Variants in CCDC14 observed in about 807,000 individuals in gnomAD.
The protein encoded by CCDC14 is coiled-coil domain containing 14, also known as coiled-coil domain-containing protein 14.
A neutral mutation model predicts 81.4 loss-of-function variants in CCDC14; 71 were observed. The ratio of observed to expected loss-of-function variants is 0.87; its 90% confidence interval spans 0.72 to 1.06. The LOEUF is 1.06. Among genes scored for constraint, CCDC14 ranks in the 50% least tolerant of loss-of-function variants. The pLI is 0.00. For missense variants in CCDC14, 1,046 were observed against 1,047.3 expected (o/e 1.00, Z 0.02); for synonymous variants, 332 against 364.8 (o/e 0.91, Z 1.03).
At chr3:123,923,314 T>C (rs1304305014) in intron 12 of CCDC14, among the ~76,000 whole-genome samples, 1 of 151,900 alleles carries the variant, frequency 6.6e-6, no homozygotes, top group Non-Finnish European at 1.5e-5. Context: ...GACAAACCCA[T>C]AGTTAACATC....
At chr3:123,889,784 A>C in the CCDC14 span, among the ~76,000 whole-genome samples, 1 of 152,152 alleles carries the variant, frequency 6.6e-6, no homozygotes, top group Admixed American at 6.5e-5. Context: ...CTCCAACTCC[A>C]CATTTCCCCT....
At chr3:123,953,723 C>T (rs1041606173) in intron 5 of CCDC14, 3 of 152,128 alleles carry the variant, frequency 2.0e-5, no homozygotes, top group African/African-American at 7.2e-5. Flanking sequence ...TCTATAAGGC[C>T]ACCTTGGGCT....
Position 123,955,965 on chromosome 3 carries a change from C to T in CCDC14, c.230G>A (p.Gly77Asp), listed in dbSNP as rs2037301995. 5 of 1,527,160 alleles carry T rather than the reference C, an allele frequency of 3.3e-6. No homozygotes were observed. The highest frequency in any genetic ancestry group is 4.4e-6 in the Non-Finnish European group (5 of 1,136,410). 94.6% of individuals were successfully genotyped at this position (1,527,160 alleles called of 1,614,324 possible). Residue 77 changes from glycine to aspartate, a missense_variant and splice_region_variant, in exon 5 of 13, where the codon GGT becomes GAT. By Grantham distance (94) the Gly-to-Asp change is moderately conservative. Coordinates refer to ENST00000409697, the MANE Select transcript of CCDC14 (RefSeq NM_001366335.1). ...LRDILRNEDSGSETAYLENRS... is the reference protein window; with the variant it reads ...LRDILRNEDSDSETAYLENRS... ...GTTTTCTAAATATGCTGTTTCTGAA[C>T]CTATTAATAAAACAAAAATTTGTTA...
chr3:123,938,390 T>G (rs558470282), intron 9 of CCDC14, among the ~76,000 whole-genome samples: 1 of 152,082 alleles, frequency 6.6e-6, no homozygotes, highest in South Asian at 2.1e-4. Flanking sequence ...ACTCTAGTAC[T>G]GATTTTAAAT....
At chr3:123,938,576 T>C (rs1272672127) in intron 9 of CCDC14, among the ~76,000 whole-genome samples, 5 of 151,922 alleles carry the variant, frequency 3.3e-5, no homozygotes, top group African/African-American at 1.2e-4. Context: ...CTTTCCAATG[T>C]GGCTGGCTTT....
intron 12 of CCDC14, among the ~76,000 whole-genome samples, chr3:123,916,798 T>C (rs886433208): frequency 1.3e-5 from 2 of 152,248 alleles, no homozygotes; most frequent in East Asian, 3.9e-4. Context: ...TGTTTGTTTG[T>C]TTGATGGCAG....
At chr3:123,901,773 A>T (rs997693234) in intron 5 of CCDC14, among the ~76,000 whole-genome samples, 1 of 152,188 alleles carries the variant, frequency 6.6e-6, no homozygotes, top group Non-Finnish European at 1.5e-5. Flanking sequence ...CATACAAAGG[A>T]TCACTTTCTA....
At chr3:123,949,166 T>C in intron 5 of CCDC14, 34 bp from the exon 6 acceptor site, 2 of 1,365,784 alleles carry the variant, frequency 1.5e-6, no homozygotes, top group South Asian at 1.3e-5. Context: ...TCTTGAAATA[T>C]GATTCTTCAA....
At chr3:123,945,087 A>G (rs771034813) in intron 8 of CCDC14, 97 bp from the exon 9 acceptor site, 30 of 630,344 alleles carry the variant, frequency 4.8e-5, no homozygotes, top group Admixed American at 7.5e-5. Context: ...ATAGATATGT[A>G]CATTCTTGTT....
At chr3:123,955,651 C>T in intron 5 of CCDC14, 192 bp downstream of exon 5, 2 of 411,904 alleles carry the variant, frequency 4.9e-6, no homozygotes, top group Middle Eastern at 6.6e-4. Flanking sequence ...TTCTATTTTT[C>T]TTCTTGAGAA....
At chr3:123,931,014 G>A (rs1390891282) in intron 12 of CCDC14, 88 bp downstream of exon 12, 5 of 1,099,160 alleles carry the variant, frequency 4.5e-6, no homozygotes, top group Non-Finnish European at 6.3e-6. Flanking sequence ...AGATATGGGG[G>A]AGAAAACAGG....
intron 9 of CCDC14, among the ~76,000 whole-genome samples, chr3:123,940,064 G>A (rs935680348): frequency 6.6e-6 from 1 of 151,524 alleles, no homozygotes; most frequent in Non-Finnish European, 1.5e-5. Flanking sequence ...AAAGGGTTTA[G>A]GAAGAGGAAG....
At chr3:123,929,630 C>G (rs1478238489) in intron 12 of CCDC14, among the ~76,000 whole-genome samples, 2 of 152,118 alleles carry the variant, frequency 1.3e-5, no homozygotes, top group Admixed American at 1.3e-4. Context: ...AAAATCTACT[C>G]CTTTTAAGTG....
chr3:123,925,362 A>T (rs1232505739), intron 12 of CCDC14, among the ~76,000 whole-genome samples: 3 of 152,086 alleles, frequency 2.0e-5, no homozygotes, highest in Non-Finnish European at 4.4e-5. Context: ...GGAAATGGGG[A>T]GATGTTAGTC....
At chr3:123,939,335 C>CT (rs1368303270) in intron 9 of CCDC14, among the ~76,000 whole-genome samples, 1 of 151,432 alleles carries the variant, frequency 6.6e-6, no homozygotes, top group African/African-American at 2.4e-5. Context: ...CAAAAATTAA[C>CT]TTTTTTCATC....
chr3:123,890,971 G>T, the CCDC14 span, among the ~76,000 whole-genome samples: 2 of 151,938 alleles, frequency 1.3e-5, no homozygotes, highest in Admixed American at 1.3e-4. Flanking sequence ...AAATCTAAGT[G>T]GAGGTTTCCA....
At chr3:123,900,400 T>C (rs2034155734) in intron 5 of CCDC14, among the ~76,000 whole-genome samples, 1 of 152,164 alleles carries the variant, frequency 6.6e-6, no homozygotes, top group African/African-American at 2.4e-5. Flanking sequence ...ACAGCAACAT[T>C]CCAGATTCCT....
intron 12 of CCDC14, among the ~76,000 whole-genome samples, chr3:123,920,328 T>C (rs955830493): frequency 1.3e-5 from 2 of 152,176 alleles, no homozygotes; most frequent in African/African-American, 2.4e-5. Context: ...CCAGAAAGCA[T>C]ATTTAGGAAA....
At chr3:123,897,239 T>C (rs1297955467), downstream of CCDC14, 1 of 152,208 alleles carries the variant, frequency 6.6e-6, no homozygotes, top group African/African-American at 2.4e-5. Flanking sequence ...AATGTATCTA[T>C]CATCTTCCTC....
Sources: allele counts gnomAD v4.1 joint callset (sites outside exome capture counted in the v4.1 genomes callset), GRCh38; gene constraint gnomAD v4.1.1; transcripts MANE v1.5; gene names NCBI Gene and HGNC (gene_info 2026-07-23, HGNC 2026-07-21).